RUNDC3B: variants seen among roughly 807,000 people sequenced by gnomAD.
The protein encoded by RUNDC3B is RUN domain containing 3B.
A neutral mutation model predicts 58.4 loss-of-function variants in RUNDC3B; 33 were observed. That is an observed-to-expected ratio of 0.56 (90% CI 0.43 to 0.75). The LOEUF is 0.75. RUNDC3B is among the 30% of genes least tolerant of loss of function. The probability of loss-of-function intolerance (pLI) is 0.00; values close to 1 mark genes in which losing one functional copy is unlikely to be tolerated. For missense variants in RUNDC3B, 501 were observed against 535.7 expected (o/e 0.94, Z 0.64); for synonymous variants, 193 against 195.2 (o/e 0.99, Z 0.10).
intron 2 of RUNDC3B, among the ~76,000 whole-genome samples, chr7:87,671,107 C>G (rs1170457724): frequency 6.6e-6 from 1 of 152,128 alleles, no homozygotes; most frequent in Non-Finnish European, 1.5e-5. Context: ...TCAGGGCAAT[C>G]AGACCAGGAT....
At chr7:87,650,207 G>T (rs759457876) in intron 1 of RUNDC3B, among the ~76,000 whole-genome samples, 1 of 152,162 alleles carries the variant, frequency 6.6e-6, no homozygotes, top group African/African-American at 2.4e-5. Flanking sequence ...GTCACATTTT[G>T]ATTTTAATGG....
intron 6 of RUNDC3B, among the ~76,000 whole-genome samples, chr7:87,744,540 A>G (rs1832534324): frequency 6.6e-6 from 1 of 152,004 alleles, no homozygotes; most frequent in African/African-American, 2.4e-5. Context: ...CCTTGGTTGA[A>G]TATATTCCTA....
At chr7:87,806,092 A>G (rs1167454595) in intron 8 of RUNDC3B, among the ~76,000 whole-genome samples, 1 of 152,214 alleles carries the variant, frequency 6.6e-6, no homozygotes, top group African/African-American at 2.4e-5. Flanking sequence ...TTACTAGGAT[A>G]CATTCTCACT....
chr7:87,675,653 C>CAAAAAAAAAAAAAAAAAA (rs200136132), intron 2 of RUNDC3B, among the ~76,000 whole-genome samples: 1 of 65,852 alleles, frequency 1.5e-5, no homozygotes, highest in African/African-American at 5.8e-5. Flanking sequence ...TATTCACATG[C>CAAAAAAAAAAAAAAAAAA]AAAAAAAAAA....
intron 2 of RUNDC3B, among the ~76,000 whole-genome samples, chr7:87,673,075 G>T (rs1477837876): frequency 6.6e-6 from 1 of 152,200 alleles, no homozygotes; most frequent in Non-Finnish European, 1.5e-5. Flanking sequence ...GCTTTCTGCT[G>T]AAAGGTTTGC....
chr7:87,662,715 A>G lies in RUNDC3B; in HGVS notation c.238+11778A>G, dbSNP rs546635114. On this transcript the variant is annotated intron_variant, in intron 2 of 10. Transcript: ENST00000394654. ...TCCTCCAGTTTTGTTTCTTTTGCTC[A>G]GGATAGCTTTGTCTATTCTGGGTCT... Among the ~76,000 whole-genome samples, 3 of 152,266 alleles carry G rather than the reference A, an allele frequency of 2.0e-5. No homozygotes were observed. In the South Asian group the frequency reaches 6.2e-4, roughly 32 times the overall value.
rs1383628974 is a variant in RUNDC3B, at chr7:87,830,492, A to T, written c.*462A>T. ...TCATTTTTTCATTAATGTCTTCCTA[A>T]GTTCTATGCTTTAAATGCCTTGTTT... On this transcript the variant is annotated 3_prime_UTR_variant, in exon 11 of 11. Transcript: ENST00000394654. The T allele has an allele frequency of 6.6e-6, 1 of 151,514 alleles. No individual in the cohort carries two copies. The highest frequency in any genetic ancestry group is 1.5e-5 in the Non-Finnish European group (1 of 67,684). The allele number at this position is 151,514 out of a possible 1,614,324, so 9.4% of individuals were successfully genotyped here.
At chr7:87,801,701 G>A (rs1327502436) in intron 8 of RUNDC3B, among the ~76,000 whole-genome samples, 1 of 152,052 alleles carries the variant, frequency 6.6e-6, no homozygotes, top group Admixed American at 6.6e-5. Context: ...CCCAGGAGGC[G>A]GAGGTTGCAC....
At chr7:87,771,201 C>G (rs1437709982) in intron 7 of RUNDC3B, among the ~76,000 whole-genome samples, 1 of 151,844 alleles carries the variant, frequency 6.6e-6, no homozygotes, top group Admixed American at 6.6e-5. Flanking sequence ...GTAGCCATTA[C>G]TTTTTTACTG....
chr7:87,665,906 C>T (rs1263021988), intron 2 of RUNDC3B, among the ~76,000 whole-genome samples: 2 of 151,826 alleles, frequency 1.3e-5, no homozygotes, highest in African/African-American at 2.4e-5. Flanking sequence ...TACTCCATGG[C>T]ATATATGTAT....
intron 9 of RUNDC3B, among the ~76,000 whole-genome samples, chr7:87,808,756 G>A (rs945211052): frequency 1.8e-4 from 27 of 151,538 alleles, no homozygotes; most frequent in African/African-American, 5.6e-4. Context: ...ATCTCATCCT[G>A]GTATATAATC....
At chr7:87,711,086 G>T (rs960208639) in intron 4 of RUNDC3B, among the ~76,000 whole-genome samples, 1 of 151,984 alleles carries the variant, frequency 6.6e-6, no homozygotes, top group Non-Finnish European at 1.5e-5. Flanking sequence ...CAGCACTTTG[G>T]GAGGCCGAGG....
At chr7:87,793,745 G>T (rs1482189223) in intron 8 of RUNDC3B, among the ~76,000 whole-genome samples, 1 of 152,082 alleles carries the variant, frequency 6.6e-6, no homozygotes, top group Non-Finnish European at 1.5e-5. Context: ...TGGGGAAAAA[G>T]TGAAAACCTT....
chr7:87,746,313 G>A (rs574830488), intron 6 of RUNDC3B, among the ~76,000 whole-genome samples: 2 of 152,244 alleles, frequency 1.3e-5, no homozygotes, highest in South Asian at 4.1e-4. Flanking sequence ...TATTTGTTAA[G>A]CCCATTTGCT....
chr7:87,760,650 A>C (rs1479204080), intron 6 of RUNDC3B, among the ~76,000 whole-genome samples: 1 of 152,112 alleles, frequency 6.6e-6, no homozygotes, highest in Non-Finnish European at 1.5e-5. Flanking sequence ...ACAGAATTAA[A>C]TTAAAATTCT....
intron 10 of RUNDC3B, among the ~76,000 whole-genome samples, chr7:87,825,749 T>G (rs6948061): frequency 6.6e-6 from 1 of 152,124 alleles, no homozygotes; most frequent in African/African-American, 2.4e-5. Flanking sequence ...ACCATGGGAA[T>G]CCATCCCTTG....
chr7:87,645,625 A>G (rs1822926457), intron 1 of RUNDC3B, among the ~76,000 whole-genome samples: 1 of 152,222 alleles, frequency 6.6e-6, no homozygotes, highest in Non-Finnish European at 1.5e-5. Context: ...TTTAGGAAAC[A>G]GATGACTAAT....
chr7:87,642,661 A>G (rs1822569424), intron 1 of RUNDC3B, among the ~76,000 whole-genome samples: 1 of 151,974 alleles, frequency 6.6e-6, no homozygotes, highest in African/African-American at 2.4e-5. Context: ...TTGAAGTTCT[A>G]GGGTACATGT....
At chr7:87,693,852 A>G in intron 2 of RUNDC3B, 1 of 1,570,010 alleles carries the variant, frequency 6.4e-7, no homozygotes, top group Admixed American at 1.7e-5. Flanking sequence ...AACTGTAAAC[A>G]TGATGGCAGG....
Sources: allele counts gnomAD v4.1 joint callset (sites outside exome capture counted in the v4.1 genomes callset), GRCh38; gene constraint gnomAD v4.1.1; transcripts MANE v1.5; gene names NCBI Gene and HGNC (gene_info 2026-07-23, HGNC 2026-07-21).